The following ROBO1 variants were observed in gnomAD, a reference collection of about 807,000 sequenced individuals.
ROBO1 encodes the protein roundabout homolog 1.
In ROBO1, 149 loss-of-function variants were observed where a neutral mutation model predicts 195.9. The observed-to-expected ratio is 0.76, with a 90% CI of 0.67 to 0.87. The LOEUF is 0.87. Ranked by LOEUF, ROBO1 falls within the 40% of genes least tolerant of loss-of-function variation. ROBO1 has a pLI of 0.00. For missense variants in ROBO1, 1,933 were observed against 2,068.3 expected, an observed-to-expected ratio of 0.93 and a Z score of 1.27; for synonymous variants, 816 against 733.2, an observed-to-expected ratio of 1.11 and a Z score of -1.82.
At chr3:79,040,346 A>G (rs2108329918) in intron 3 of ROBO1, among the ~76,000 whole-genome samples, 1 of 152,324 alleles carries the variant, frequency 6.6e-6, no homozygotes, top group East Asian at 1.9e-4. Flanking sequence ...TATTCATATA[A>G]TTTCATAAGT....
At chr3:79,433,977 A>T (rs2038785820) in intron 2 of ROBO1, among the ~76,000 whole-genome samples, 1 of 152,234 alleles carries the variant, frequency 6.6e-6, no homozygotes, top group South Asian at 2.1e-4. Context: ...AGGATTCCCT[A>T]TTTAATAAAT....
At chr3:79,586,371 A>G (rs573598788) in intron 2 of ROBO1, among the ~76,000 whole-genome samples, 117 of 152,010 alleles carry the variant, frequency 7.7e-4, no homozygotes, top group Non-Finnish European at 1.4e-3. Flanking sequence ...GTGGTGGTCA[A>G]TGGATGGGTG....
intron 1 of ROBO1, among the ~76,000 whole-genome samples, chr3:79,681,349 G>GA (rs36077630): frequency 0.28 from 42,391 of 151,590 alleles, 6,075 homozygotes; most frequent in East Asian, 0.38. Context: ...TGTCTTCAGG[G>GA]AAAATCCAGA....
At chr3:79,437,513 T>C (rs1187967895) in intron 2 of ROBO1, among the ~76,000 whole-genome samples, 1 of 119,034 alleles carries the variant, frequency 8.4e-6, no homozygotes, top group Non-Finnish European at 1.8e-5. Context: ...ATATTGGTAA[T>C]AGCCAAAAGC....
intron 3 of ROBO1, among the ~76,000 whole-genome samples, chr3:79,095,004 T>C (rs1401417814): frequency 6.7e-6 from 1 of 149,782 alleles, no homozygotes; most frequent in East Asian, 2.0e-4. Context: ...ATGACTACCA[T>C]GAATCAGACA....
At chr3:79,284,356 T>A (rs931470618) in intron 2 of ROBO1, among the ~76,000 whole-genome samples, 1 of 152,106 alleles carries the variant, frequency 6.6e-6, no homozygotes, top group Non-Finnish European at 1.5e-5. Context: ...AAACATAGGT[T>A]AATTATAAAG....
intron 25 of ROBO1, among the ~76,000 whole-genome samples, 156 bp downstream of exon 25, chr3:78,631,005 T>G (rs1408563660): frequency 2.0e-5 from 3 of 152,146 alleles, no homozygotes; most frequent in Non-Finnish European, 4.4e-5. Context: ...CAAGGAGAAT[T>G]TTTACTTCCT....
intron 4 of ROBO1, among the ~76,000 whole-genome samples, chr3:78,823,408 C>T (rs767726869): frequency 8.5e-5 from 13 of 152,162 alleles, no homozygotes; most frequent in Non-Finnish European, 1.6e-4. Flanking sequence ...TCTCTAATAA[C>T]AAGTCTCAGA....
At chr3:79,424,680 T>C (rs1028588272) in intron 2 of ROBO1, among the ~76,000 whole-genome samples, 3 of 152,084 alleles carry the variant, frequency 2.0e-5, no homozygotes, top group Admixed American at 6.6e-5. Flanking sequence ...CCCAAGACCA[T>C]AGCCCCTGAA....
chr3:79,022,671 A>C (rs1182444655), intron 3 of ROBO1, among the ~76,000 whole-genome samples: 1 of 152,198 alleles, frequency 6.6e-6, no homozygotes, highest in East Asian at 1.9e-4. Context: ...CAGCACCAGG[A>C]AGGAGAAAGT....
At chr3:79,624,731 C>A (rs756553713) in intron 1 of ROBO1, among the ~76,000 whole-genome samples, 1 of 152,010 alleles carries the variant, frequency 6.6e-6, no homozygotes, top group Admixed American at 6.6e-5. Context: ...GAGATTTAGA[C>A]TCCCACACAA....
At chr3:78,712,017 CAAAAAAAA>C (rs56267632) in intron 8 of ROBO1, among the ~76,000 whole-genome samples, 7 of 76,458 alleles carry the variant, frequency 9.2e-5, no homozygotes, top group South Asian at 1.1e-3. Context: ...AAGACCTTGG[CAAAAAAAA>C]AAAAAAAAAA....
intron 3 of ROBO1, among the ~76,000 whole-genome samples, chr3:78,981,212 G>A (rs2076983236): frequency 6.6e-6 from 1 of 152,128 alleles, no homozygotes; most frequent in Non-Finnish European, 1.5e-5. Flanking sequence ...GTATATTACA[G>A]TTTATTTTAT....
chr3:78,605,740 C>T (rs1176228218), intron 29 of ROBO1, among the ~76,000 whole-genome samples: 2 of 152,156 alleles, frequency 1.3e-5, no homozygotes, highest in Admixed American at 6.5e-5. Flanking sequence ...TGAAATTTAA[C>T]ATTTTCCCTG....
intron 5 of ROBO1, among the ~76,000 whole-genome samples, chr3:78,719,567 A>G (rs1419879814): frequency 6.6e-6 from 1 of 152,110 alleles, no homozygotes; most frequent in Non-Finnish European, 1.5e-5. Flanking sequence ...TAATTTTTCT[A>G]AAGTAGAATC....
chr3:78,630,665 T>G (rs1246838816), intron 25 of ROBO1, among the ~76,000 whole-genome samples: 1 of 152,214 alleles, frequency 6.6e-6, no homozygotes, highest in African/African-American at 2.4e-5. Flanking sequence ...ATTGCTATCA[T>G]GTGGATTATT....
chr3:79,098,419 T>C (rs1290217356), intron 3 of ROBO1, among the ~76,000 whole-genome samples: 4 of 151,826 alleles, frequency 2.6e-5, no homozygotes, highest in Non-Finnish European at 5.9e-5. Flanking sequence ...GATGACATGA[T>C]GTATTAGGCA....
At chr3:79,058,506 T>C (rs984269977) in intron 3 of ROBO1, among the ~76,000 whole-genome samples, 9 of 152,048 alleles carry the variant, frequency 5.9e-5, no homozygotes, top group African/African-American at 9.7e-5. Context: ...GAAACTTTTC[T>C]GTCTATTGTC....
chr3:79,090,883 T>G (rs1458323567), intron 3 of ROBO1, among the ~76,000 whole-genome samples: 1 of 152,234 alleles, frequency 6.6e-6, no homozygotes. Flanking sequence ...GTTTAAATTC[T>G]GCTTTACATT....
Sources: gnomAD v4.1 joint callset for allele counts (sites outside exome capture counted in the v4.1 genomes callset) on GRCh38, gnomAD v4.1.1 for gene constraint, MANE v1.5 for transcripts, NCBI Gene and HGNC (gene_info 2026-07-23, HGNC 2026-07-21) for gene names.